Variants in ADAMDEC1 observed in about 807,000 individuals in gnomAD.
The protein encoded by ADAMDEC1 is ADAM like decysin 1.
ADAMDEC1 carries 62 observed loss-of-function variants against 60.4 expected under a neutral mutation model. That is an observed-to-expected ratio of 1.03 (90% CI 0.84 to 1.27). The LOEUF (loss-of-function observed/expected upper bound fraction) is 1.27. Ranked by LOEUF, ADAMDEC1 falls within the 50% of genes most tolerant of loss-of-function variation. The pLI, the probability that ADAMDEC1 is intolerant of heterozygous loss-of-function variation, is 0.00. For synonymous variants in ADAMDEC1, 210 were observed against 195.1 expected (o/e 1.08, Z -0.64); for missense variants, 595 against 565.0 (o/e 1.05, Z -0.54).
chr8:24,399,267 A>G lies in ADAMDEC1; in HGVS notation c.930-126A>G, dbSNP rs1353585005. On this transcript the variant is annotated intron_variant, in intron 9 of 13. Coordinates refer to ENST00000256412, the MANE Select transcript of ADAMDEC1 (RefSeq NM_014479.3). ...GGTCATAACACTAAGGAATAGTAGAAGTTTTTTGGGGCCTAGTGAATATAA... is the reference window on the plus strand; with the variant it reads ...GGTCATAACACTAAGGAATAGTAGAGGTTTTTTGGGGCCTAGTGAATATAA... 4.5e-6 allele frequency: 5 copies of G among 1,101,884 alleles called. No individual in the cohort carries two copies. In the East Asian group the frequency reaches 1.2e-4, roughly 27 times the overall value. The allele number at this position is 1,101,884 out of a possible 1,614,324, so 68.3% of individuals were successfully genotyped here.
rs187499541 is a variant in ADAMDEC1, at chr8:24,386,640, A to C, written c.88+2048A>C. On this transcript the variant is annotated intron_variant, in intron 1 of 13. Coordinates refer to ENST00000256412, the MANE Select transcript of ADAMDEC1 (RefSeq NM_014479.3). ...TCTAGATCTTATCCCTTCTCATACAAGGACATTGACCTAACATTTTCCCTC... is the reference window on the plus strand; with the variant it reads ...TCTAGATCTTATCCCTTCTCATACACGGACATTGACCTAACATTTTCCCTC... Among the ~76,000 whole-genome samples, 12 of 152,306 alleles carry C rather than the reference A, an allele frequency of 7.9e-5. No individual in the cohort carries two copies. The East Asian group carries it at 1.9e-3, about 25-fold the overall frequency.
chr8:24,399,892 TG>T (rs1817717361), intron 10 of ADAMDEC1, among the ~76,000 whole-genome samples: 1 of 152,206 alleles, frequency 6.6e-6, no homozygotes, highest in South Asian at 2.1e-4. Context: ...ACCTCCGATA[TG>T]GTGCCTATGA....
chr8:24,392,503 T>C, intron 2 of ADAMDEC1, 123 bp downstream of exon 2: 2 of 657,248 alleles, frequency 3.0e-6, no homozygotes, highest in Non-Finnish European at 5.1e-6. Flanking sequence ...AGCCCATGTA[T>C]ACAACTCCCC....
Position 24,395,723 on chromosome 8 carries a change from C to A in ADAMDEC1, c.367C>A (p.His123Asn). 1 of 1,611,542 alleles carries A rather than the reference C, an allele frequency of 6.2e-7. No individual in the cohort carries two copies. Among genetic ancestry groups the A allele is most frequent in the East Asian group, 2.2e-5 (1 of 44,772 alleles). The part of the protein sequence containing the change: ...EITTKPENME[H>N]CYYKGNILNE... ...TAATTTCTTTTTTCCACTCCAGGAA[C>A]ACTGTTACTATAAAGGAAACATCCT... Residue 123 changes from histidine (H) to asparagine (N), a missense_variant, in exon 5 of 14, where the codon CAC becomes AAC. Transcript: ENST00000256412.
chr8:24,394,924 GA>G (rs1817567240), intron 4 of ADAMDEC1, among the ~76,000 whole-genome samples: 1 of 152,202 alleles, frequency 6.6e-6, no homozygotes, highest in African/African-American at 2.4e-5. Context: ...TCTTCTATGA[GA>G]AAATGTTTAT....
At position 24,399,021 on chromosome 8, in the gene ADAMDEC1, G is replaced by T; in HGVS notation, c.910G>T (p.Asp304Tyr). The stretch of plus-strand genomic sequence containing the variant: ...TTCTAACCTGGGGAAAAAGATCCAC[G>T]ACCATGCTCAGCTTCTCAGGTGAGC... The part of the protein sequence containing the change: ...HSSNLGKKIH[D>Y]HAQLLSGISF... The change falls in exon 9 of 14, where the codon GAC (aspartate) becomes TAC (tyrosine). Residue 304 changes from aspartate (D) to tyrosine (Y), a missense_variant. By Grantham distance (160) the Asp-to-Tyr change is radical (BLOSUM62 -3). Coordinates refer to ENST00000256412, the MANE Select transcript of ADAMDEC1 (RefSeq NM_014479.3). The T allele has an allele frequency of 3.1e-6, 5 of 1,613,082 alleles. No homozygotes were observed. Among genetic ancestry groups the T allele is most frequent in the East Asian group, 2.2e-5 (1 of 44,780 alleles).
chr8:24,403,878 G>A (rs565389493), intron 12 of ADAMDEC1, 125 bp from the exon 13 acceptor site: 325 of 641,170 alleles, frequency 5.1e-4, no homozygotes, highest in Non-Finnish European at 8.2e-4. Context: ...ACTGGAATTT[G>A]CCTATCAGAG....
chr8:24,400,344 C>CTTT, intron 11 of ADAMDEC1, 44 bp downstream of exon 11: 6 of 1,438,912 alleles, frequency 4.2e-6, no homozygotes, highest in African/African-American at 1.5e-5. Context: ...TTTTCCAAAT[C>CTTT]TTTTTTTTTT....
chr8:24,400,512 T>C (rs964198293), intron 11 of ADAMDEC1, among the ~76,000 whole-genome samples: 1 of 152,090 alleles, frequency 6.6e-6, no homozygotes, highest in Non-Finnish European at 1.5e-5. Flanking sequence ...GGTAACATAT[T>C]ACATTCTTAA....
chr8:24,387,574 G>A (rs1817325909), intron 1 of ADAMDEC1: 1 of 152,168 alleles, frequency 6.6e-6, no homozygotes, highest in South Asian at 2.1e-4. Context: ...GAAAACAACA[G>A]TTTGCATAAG....
intron 5 of ADAMDEC1, among the ~76,000 whole-genome samples, chr8:24,396,113 C>A (rs1187395366): frequency 1.3e-5 from 2 of 152,172 alleles, no homozygotes. Flanking sequence ...TTCTTCCCTG[C>A]AATGGTCACA....
intron 10 of ADAMDEC1, 143 bp from the exon 11 acceptor site, chr8:24,400,027 T>C (rs1817720597): frequency 3.3e-6 from 2 of 613,950 alleles, no homozygotes; most frequent in Admixed American, 7.3e-5. Context: ...CTTTAAATGC[T>C]CTTTCAACGT....
intron 12 of ADAMDEC1, among the ~76,000 whole-genome samples, chr8:24,402,847 T>C (rs1817798783): frequency 6.6e-6 from 1 of 152,176 alleles, no homozygotes; most frequent in South Asian, 2.1e-4. Context: ...CCTAACTTAG[T>C]CATTTGTGAA....
rs1158215561 is a variant in ADAMDEC1, at chr8:24,393,262, G to A, written c.208G>A (p.Glu70Lys). The A allele has an allele frequency of 4.5e-6, 7 of 1,572,016 alleles. No individual in the cohort carries two copies. Among genetic ancestry groups the A allele is most frequent in the African/African-American group, 4.1e-5 (3 of 73,122 alleles). Residue 70 changes from glutamate to lysine, a missense_variant and splice_region_variant, in exon 3 of 14, where the codon GAA becomes AAA. Glu to Lys is a moderately conservative substitution (Grantham distance 56). Transcript: ENST00000256412. ...NNQTEKHGKE[E>K]RYEPEVQYQM... The stretch of plus-strand genomic sequence containing the variant: ...GCTTGATGTAATTAAATGTTTTCAG[G>A]AAAGGTATGAACCTGAAGTTCAATA...
chr8:24,399,273 T>C (rs531400209), intron 9 of ADAMDEC1, 120 bp from the exon 10 acceptor site: 8 of 1,140,944 alleles, frequency 7.0e-6, no homozygotes, highest in Middle Eastern at 2.0e-4. Context: ...TAGAAGTTTT[T>C]TGGGGCCTAG....
chr8:24,404,397 T>G (rs1817839831), intron 13 of ADAMDEC1, among the ~76,000 whole-genome samples: 1 of 152,154 alleles, frequency 6.6e-6, no homozygotes, highest in South Asian at 2.1e-4. Context: ...AAAAGAAAAG[T>G]GTATTTAAAA....
In ADAMDEC1 at chr8:24,384,430, G is replaced by A; in HGVS notation, c.-75G>A. 1 of 1,246,530 alleles carries A rather than the reference G, an allele frequency of 8.0e-7. No individual in the cohort carries two copies. Among genetic ancestry groups the A allele is most frequent in the Non-Finnish European group, 1.1e-6 (1 of 908,150 alleles). 77.2% of individuals were successfully genotyped at this position (1,246,530 alleles called of 1,614,324 possible). The stretch of plus-strand genomic sequence containing the variant: ...CCCCAATCTCACACGAAAAGTGGGG[G>A]TTTTAATTTTCTTGTTCAACTTCTA... On this transcript the variant is annotated 5_prime_UTR_variant, in exon 1 of 14. Coordinates refer to ENST00000256412, the MANE Select transcript of ADAMDEC1 (RefSeq NM_014479.3).
At chr8:24,395,242 T>C (rs1273839784) in intron 4 of ADAMDEC1, among the ~76,000 whole-genome samples, 5 of 152,242 alleles carry the variant, frequency 3.3e-5, no homozygotes, top group Admixed American at 3.3e-4. Context: ...TTCCCCAGTC[T>C]AGAAAAATAG....
intron 1 of ADAMDEC1, chr8:24,387,566 A>T (rs1817325690): frequency 6.6e-6 from 1 of 152,160 alleles, no homozygotes; most frequent in African/African-American, 2.4e-5. Context: ...GGGTTATAGA[A>T]AACAACAGTT....
Sources: allele counts gnomAD v4.1 joint callset (sites outside exome capture counted in the v4.1 genomes callset), GRCh38; gene constraint gnomAD v4.1.1; transcripts MANE v1.5; gene names NCBI Gene and HGNC (gene_info 2026-07-23, HGNC 2026-07-21).